CDKL3: variants seen among roughly 807,000 people sequenced by gnomAD.
CDKL3 encodes cyclin dependent kinase like 3, also known as cyclin-dependent kinase-like 3.
In CDKL3, 65 loss-of-function variants were observed where a neutral mutation model predicts 69.3. The ratio of observed to expected loss-of-function variants is 0.94; its 90% CI spans 0.77 to 1.15. The LOEUF is 1.15. Ranked by LOEUF, CDKL3 falls within the 50% of genes most tolerant of loss-of-function variation. CDKL3 has a pLI of 0.00. For missense variants in CDKL3, 652 were observed against 689.2 expected, an observed-to-expected ratio of 0.95 and a Z score of 0.61; for synonymous variants, 202 against 221.6, an observed-to-expected ratio of 0.91 and a Z score of 0.79.
chr5:134,301,843 C>T (rs1396591700), intron 12 of CDKL3, among the ~76,000 whole-genome samples: 4 of 151,996 alleles, frequency 2.6e-5, no homozygotes, highest in Non-Finnish European at 5.9e-5. Context: ...GCCGAGATCG[C>T]GCCACTGCAC....
At chr5:134,309,932 AG>A in intron 7 of CDKL3, among the ~76,000 whole-genome samples, 1 of 152,244 alleles carries the variant, frequency 6.6e-6, no homozygotes, top group South Asian at 2.1e-4. Flanking sequence ...CCTGGGCTCA[AG>A]AAATCCCCTA....
At chr5:134,360,130 C>A in intron 2 of CDKL3, 39 bp from the exon 3 acceptor site, 1 of 1,341,712 alleles carries the variant, frequency 7.5e-7, no homozygotes, top group South Asian at 1.4e-5. Context: ...TTAATTATTT[C>A]AAGCCTAACA....
Position 134,304,418 on chromosome 5 carries a change from T to C in CDKL3, c.1608A>G (p.Thr536=). The change falls in exon 11 of 13, where the codon ACA becomes ACG. Residue 536 remains threonine (T), a synonymous_variant. Transcript: ENST00000265334. The stretch of plus-strand genomic sequence containing the variant: ...ACAAATGTGTACCTTCCATTCCTTT[T>C]GTATCTTTTGACTGTATTGTGACAG... The part of the protein sequence containing the change: ...ELPVTIQSKD[T]KGMEVKQIKM... 1 of 1,610,396 alleles carries C rather than the reference T, an allele frequency of 6.2e-7. No individual in the cohort carries two copies.
At chr5:134,338,085 T>C (rs1777546943) in intron 4 of CDKL3, among the ~76,000 whole-genome samples, 2 of 152,128 alleles carry the variant, frequency 1.3e-5, no homozygotes, top group African/African-American at 4.8e-5. Context: ...GCCTATAACA[T>C]TACAAATGTA....
intron 4 of CDKL3, among the ~76,000 whole-genome samples, chr5:134,341,193 C>T (rs193097691): frequency 1.3e-5 from 2 of 152,176 alleles, no homozygotes; most frequent in East Asian, 3.9e-4. Flanking sequence ...AGGAAACTTC[C>T]CCAACCTGAT....
At chr5:134,352,244 T>C (rs947419226) in intron 3 of CDKL3, among the ~76,000 whole-genome samples, 4 of 152,170 alleles carry the variant, frequency 2.6e-5, no homozygotes, top group South Asian at 4.1e-4. Context: ...TAGTGCTCCA[T>C]TGTGTATACA....
chr5:134,371,458 G>A (rs1758396001), upstream of CDKL3: 9 of 1,109,112 alleles, frequency 8.1e-6, no homozygotes, highest in Non-Finnish European at 1.2e-5. Flanking sequence ...GTCATTGCAG[G>A]GTTGTTTGTC....
downstream of CDKL3, among the ~76,000 whole-genome samples, chr5:134,296,910 G>A (rs1172043294): frequency 1.3e-5 from 2 of 151,744 alleles, no homozygotes; most frequent in Non-Finnish European, 2.9e-5. Flanking sequence ...CCTGTTGTTA[G>A]GGAGTTTAGC....
chr5:134,304,159 G>A (rs1767116309), intron 11 of CDKL3, among the ~76,000 whole-genome samples: 1 of 151,890 alleles, frequency 6.6e-6, no homozygotes, highest in Non-Finnish European at 1.5e-5. Context: ...AAACTCCTGG[G>A]CCCAAGCAAT....
intron 4 of CDKL3, among the ~76,000 whole-genome samples, chr5:134,332,102 G>C (rs926855968): frequency 3.3e-5 from 5 of 152,190 alleles, no homozygotes; most frequent in Non-Finnish European, 7.3e-5. Context: ...ATTCTTTTGA[G>C]AAGTGTCTGT....
upstream of CDKL3, chr5:134,371,368 C>T: frequency 1.6e-6 from 1 of 639,138 alleles, no homozygotes; most frequent in South Asian, 1.9e-5. Flanking sequence ...CGCGCTCCCG[C>T]GTCCCGCCCC....
chr5:134,354,049 C>T (rs1379946559), intron 3 of CDKL3, among the ~76,000 whole-genome samples: 3 of 152,142 alleles, frequency 2.0e-5, no homozygotes, highest in African/African-American at 4.8e-5. Context: ...GTTGATGCTG[C>T]TCCAACTGCC....
rs142797820 is a variant in CDKL3, at chr5:134,366,456, T to C, written c.68A>G (p.His23Arg). The change falls in exon 2 of 13, where the codon CAT becomes CGT. Residue 23 changes from histidine (H) to arginine (R), a missense_variant. By Grantham distance (29) the His-to-Arg change is conservative. Coordinates refer to ENST00000265334, the MANE Select transcript of CDKL3 (RefSeq NM_001113575.2). ...GGCCACTATCTGCCCAGTATTCTTA[T>C]GTTTACATTTCATGACTGTTCCGTA... The part of the protein sequence containing the change: ...GSYGTVMKCK[H>R]KNTGQIVAIK... The C allele has an allele frequency of 5.7e-5, 91 of 1,609,302 alleles. No individual in the cohort carries two copies. The East Asian group carries it at 1.2e-3, about 21-fold the overall frequency.
chr5:134,320,574 T>C (rs2149484789), intron 5 of CDKL3, among the ~76,000 whole-genome samples: 1 of 151,498 alleles, frequency 6.6e-6, no homozygotes, highest in Admixed American at 6.6e-5. Context: ...TGAGACCCTG[T>C]CTCAAAAAAA....
chr5:134,358,570 C>T (rs987679738), intron 3 of CDKL3, among the ~76,000 whole-genome samples: 1 of 151,352 alleles, frequency 6.6e-6, no homozygotes, highest in African/African-American at 2.4e-5. Context: ...TATTAATATT[C>T]CTCACTCCAA....
intron 4 of CDKL3, among the ~76,000 whole-genome samples, chr5:134,322,152 T>C (rs1314096658): frequency 1.3e-5 from 2 of 152,134 alleles, no homozygotes; most frequent in Non-Finnish European, 1.5e-5. Context: ...TAGCTGGGAT[T>C]AGAGGCGTGT....
intron 10 of CDKL3, 70 bp from the exon 11 acceptor site, chr5:134,304,637 G>T: frequency 1.5e-6 from 2 of 1,296,680 alleles, no homozygotes; most frequent in Non-Finnish European, 2.1e-6. Context: ...TCCTAGAATT[G>T]CTAGCCATTT....
upstream of CDKL3, among the ~76,000 whole-genome samples, chr5:134,369,532 C>T (rs1357563684): frequency 6.6e-6 from 1 of 152,160 alleles, no homozygotes; most frequent in Non-Finnish European, 1.5e-5. Flanking sequence ...TTTCTTCAAA[C>T]CCTGAATTCT....
chr5:134,354,744 C>T (rs1330421160), intron 3 of CDKL3, among the ~76,000 whole-genome samples: 4 of 151,960 alleles, frequency 2.6e-5, no homozygotes, highest in East Asian at 1.9e-4. Context: ...GTCAGGAGAT[C>T]GAGACCATCC....
Sources: allele counts gnomAD v4.1 joint callset (sites outside exome capture counted in the v4.1 genomes callset), GRCh38; gene constraint gnomAD v4.1.1; transcripts MANE v1.5; gene names NCBI Gene and HGNC (gene_info 2026-07-23, HGNC 2026-07-21).